CTIF: variants seen among roughly 807,000 people sequenced by gnomAD.
CTIF encodes the protein CBP80/20-dependent translation initiation factor.
In CTIF, 21 loss-of-function variants were observed where a neutral mutation model predicts 66.0. The observed-to-expected ratio is 0.32, with a 90% CI of 0.23 to 0.46. The LOEUF (loss-of-function observed/expected upper bound fraction) is 0.46. Among genes scored for constraint, CTIF ranks in the 20% least tolerant of loss-of-function variants. CTIF has a pLI of 1.00. For synonymous variants in CTIF, 345 were observed against 326.4 expected (o/e 1.06, Z -0.62); for missense variants, 739 against 812.7 (o/e 0.91, Z 1.10).
intron 2 of CTIF, among the ~76,000 whole-genome samples, chr18:48,626,645 GTTTTTTTTTTGTTTTTTT>G (rs1344762416): frequency 1.0e-3 from 124 of 122,802 alleles, no homozygotes; most frequent in African/African-American, 3.9e-3. Flanking sequence ...GCACCTGGCC[GTTTTTTTTTTGTTTTTTT>G]TTTTTTTTTG....
chr18:48,790,148 T>C (rs1047464502), intron 9 of CTIF, among the ~76,000 whole-genome samples: 1 of 152,218 alleles, frequency 6.6e-6, no homozygotes, highest in Non-Finnish European at 1.5e-5. Context: ...GTACCGTATG[T>C]CCTTTGGAGA....
chr18:48,618,823 C>T (rs115996296), intron 1 of CTIF, among the ~76,000 whole-genome samples: 1,643 of 152,324 alleles, frequency 0.011, 31 homozygotes, highest in African/African-American at 0.035. Context: ...ATGGGTTAGT[C>T]ATGCCCCTGT....
chr18:48,806,110 C>T (rs2068142167), intron 9 of CTIF, among the ~76,000 whole-genome samples: 1 of 152,106 alleles, frequency 6.6e-6, no homozygotes, highest in Admixed American at 6.5e-5. Flanking sequence ...AGGGGACAGC[C>T]AGGGAAGCCT....
chr18:48,758,140 G>T lies in CTIF; in HGVS notation c.806G>T (p.Arg269Leu). 1 of 1,614,006 alleles carries T rather than the reference G, an allele frequency of 6.2e-7. No individual in the cohort carries two copies. The highest frequency in any genetic ancestry group is 8.5e-7 in the Non-Finnish European group (1 of 1,180,004). Residue 269 changes from arginine (R) to leucine (L), a missense_variant, in exon 8 of 12, where the codon CGC (arginine) becomes CTC (leucine). Physicochemically the swap from Arg to Leu is moderately radical, Grantham distance 102 (BLOSUM62 -2). This residue lies in a region of CTIF where 529 missense variants were observed against 520.3 expected (regional missense o/e 1.02). Transcript: ENST00000256413. ...PGDKGEAGAH[R>L]NAKETMTIEN... Reference sequence around the variant, plus strand: ...GACAAGGGGGAGGCAGGCGCACACCGCAATGCCAAAGAGACCATGACCATC... The same window carrying T: ...GACAAGGGGGAGGCAGGCGCACACCTCAATGCCAAAGAGACCATGACCATC...
At chr18:48,634,262 C>G (rs1264192678) in intron 2 of CTIF, among the ~76,000 whole-genome samples, 3 of 152,120 alleles carry the variant, frequency 2.0e-5, no homozygotes, top group Non-Finnish European at 4.4e-5. Context: ...GTCCATGATG[C>G]AGATATGTTT....
intron 7 of CTIF, among the ~76,000 whole-genome samples, chr18:48,735,878 C>T (rs193223019): frequency 9.2e-5 from 14 of 152,216 alleles, no homozygotes; most frequent in African/African-American, 2.9e-4. Context: ...CTAAACACTC[C>T]GTAAATGTTT....
intron 1 of CTIF, among the ~76,000 whole-genome samples, chr18:48,596,795 G>C (rs2089995643): frequency 6.6e-6 from 1 of 152,122 alleles, no homozygotes; most frequent in African/African-American, 2.4e-5. Context: ...TCCTTTAAAG[G>C]GTTCAGTAAC....
chr18:48,660,921 A>C (rs1004406606), intron 3 of CTIF, among the ~76,000 whole-genome samples: 3 of 152,092 alleles, frequency 2.0e-5, no homozygotes, highest in Admixed American at 1.3e-4. Context: ...CTCTCCATCC[A>C]TGTTTCTTAC....
At chr18:48,727,269 C>G (rs943645990) in intron 7 of CTIF, among the ~76,000 whole-genome samples, 2 of 152,188 alleles carry the variant, frequency 1.3e-5, no homozygotes, top group Non-Finnish European at 2.9e-5. Flanking sequence ...CAGTTCTGTT[C>G]CTGCCCAGGA....
At chr18:48,549,379 G>A (rs2088830414) in intron 1 of CTIF, among the ~76,000 whole-genome samples, 1 of 152,198 alleles carries the variant, frequency 6.6e-6, no homozygotes, top group South Asian at 2.1e-4. Context: ...CTTGTGGGAT[G>A]TTATTGGCTA....
chr18:48,850,476 A>G (rs1035610756), intron 10 of CTIF, among the ~76,000 whole-genome samples: 1 of 152,250 alleles, frequency 6.6e-6, no homozygotes, highest in African/African-American at 2.4e-5. Flanking sequence ...GTTTATCCCC[A>G]AAATGAGCTG....
At chr18:48,808,592 T>A (rs1046000997) in intron 9 of CTIF, among the ~76,000 whole-genome samples, 1 of 151,842 alleles carries the variant, frequency 6.6e-6, no homozygotes. Context: ...GAAGTAAGAT[T>A]CTAAATTATT....
At chr18:48,754,953 C>G (rs376616045) in intron 7 of CTIF, among the ~76,000 whole-genome samples, 2 of 152,350 alleles carry the variant, frequency 1.3e-5, no homozygotes, top group African/African-American at 4.8e-5. Flanking sequence ...CTTCCTTCCC[C>G]CTCCAGGTAG....
intron 10 of CTIF, among the ~76,000 whole-genome samples, chr18:48,832,173 CTT>C (rs61221781): frequency 5.1e-4 from 66 of 128,168 alleles, no homozygotes; most frequent in Admixed American, 1.2e-3. Flanking sequence ...CGTGGTCCTT[CTT>C]TTTTTTTTTT....
chr18:48,707,044 C>T (rs2092165753), intron 6 of CTIF, among the ~76,000 whole-genome samples: 1 of 152,166 alleles, frequency 6.6e-6, no homozygotes, highest in South Asian at 2.1e-4. Flanking sequence ...GCACATCTGA[C>T]TCAGGTAGAC....
At position 48,781,763 on chromosome 18, in the gene CTIF, T is replaced by C. The variant is rs547265545; in HGVS notation, c.1371+20074T>C. ...GGGGCAGGAGAGGAAGCATTCTTAG[T>C]GCGGTAAAAGGCCTGGGTTTCGGTC... On this transcript the variant is annotated intron_variant, in intron 9 of 11. Transcript: ENST00000256413. 5.3e-5 allele frequency among the ~76,000 whole-genome samples: 8 copies of C among 152,170 alleles called. 1 individual carries two copies. The South Asian group carries it at 1.7e-3, about 32-fold the overall frequency.
intron 7 of CTIF, among the ~76,000 whole-genome samples, chr18:48,753,478 TG>T (rs1173790193): frequency 2.3e-4 from 35 of 152,352 alleles, no homozygotes; most frequent in African/African-American, 7.9e-4. Flanking sequence ...AGAACATTTT[TG>T]TCTTTTTGTA....
chr18:48,773,786 G>A (rs1195808232), intron 9 of CTIF, among the ~76,000 whole-genome samples: 1 of 151,712 alleles, frequency 6.6e-6, no homozygotes. Context: ...TCTCCTTGTT[G>A]CCCTTCGCCC....
rs180676528 is a variant in CTIF, at chr18:48,737,167, A to C, written c.585-20752A>C. Reference sequence around the variant, plus strand: ...TGGCTAGTTCTGTGGCTTGGCCGGGAGTGGGTTTGGGTCAGCTTCTGCACA... The same window carrying C: ...TGGCTAGTTCTGTGGCTTGGCCGGGCGTGGGTTTGGGTCAGCTTCTGCACA... On this transcript the variant is annotated intron_variant, in intron 7 of 11. Transcript: ENST00000256413. Among the ~76,000 whole-genome samples, 772 of 152,108 alleles carry C rather than the reference A, an allele frequency of 5.1e-3. 1 individual carries two copies. Among genetic ancestry groups the C allele is most frequent in the Middle Eastern group, 0.041 (12 of 292 alleles).
Sources: allele counts gnomAD v4.1 joint callset (sites outside exome capture counted in the v4.1 genomes callset), GRCh38; gene constraint gnomAD v4.1.1; regional missense constraint gnomAD v4.1.1; transcripts MANE v1.5; gene names NCBI Gene and HGNC (gene_info 2026-07-23, HGNC 2026-07-21).